TXN2: variants seen among roughly 807,000 people sequenced by gnomAD.
TXN2 encodes thioredoxin 2, also known as thioredoxin, mitochondrial.
TXN2 carries 12 observed loss-of-function variants against 14.6 expected under a neutral mutation model. That is an observed-to-expected ratio of 0.82 (90% CI 0.53 to 1.33). The LOEUF is 1.33. TXN2 is among the 40% of genes most tolerant of loss of function. The probability of loss-of-function intolerance (pLI) is 0.00; values close to 1 mark genes in which losing one functional copy is unlikely to be tolerated. For synonymous variants in TXN2, 89 were observed against 81.0 expected, an observed-to-expected ratio of 1.10 and a Z score of -0.53; for missense variants, 173 against 207.7, an observed-to-expected ratio of 0.83 and a Z score of 1.03.
chr22:36,472,065 AAG>A (rs372956773), intron 3 of TXN2, among the ~76,000 whole-genome samples: 4 of 152,110 alleles, frequency 2.6e-5, no homozygotes, highest in African/African-American at 7.2e-5. Flanking sequence ...CCCAGCAGCA[AAG>A]AGAGAGAGAC....
chr22:36,479,882 CTTT>C lies in TXN2; in HGVS notation c.263+690_263+692del, dbSNP rs113981716. Reference sequence around the variant, plus strand: ...GGCACCACGGTAGTGACACCGATAACTTTTTTTTTTTTTTTTTGAGATGGAATT... The same window carrying C: ...GGCACCACGGTAGTGACACCGATAACTTTTTTTTTTTTTTGAGATGGAATT... On this transcript the variant is annotated intron_variant, in intron 2 of 3. Coordinates refer to ENST00000216185, the MANE Select transcript of TXN2 (RefSeq NM_012473.4). Among the ~76,000 whole-genome samples the C allele has an allele frequency of 2.6e-3, 370 of 139,960 alleles. 5 individuals carry two copies. The highest frequency in any genetic ancestry group is 8.8e-3 in the African/African-American group (340 of 38,450). 91.8% of individuals were successfully genotyped at this position (139,960 alleles called of 152,430 possible). A position where few individuals can be genotyped will look rare whatever the true frequency, so the allele number is the denominator to read the frequency against.
Position 36,467,617 on chromosome 22 carries a change from G to C in TXN2, c.*187C>G. The C allele has an allele frequency of 1.7e-6, 1 of 589,450 alleles. No homozygotes were observed. The highest frequency in any genetic ancestry group is 1.9e-5 in the South Asian group (1 of 51,682). The allele number at this position is 589,450 out of a possible 1,614,324, so 36.5% of individuals were successfully genotyped here. ...GACAGCGGTCCCCGGATCAGCAGCA[G>C]CACCACCATCCTCTGATGGCCCCTG... On this transcript the variant is annotated 3_prime_UTR_variant, in exon 4 of 4. Transcript: ENST00000216185.
chr22:36,474,466 G>A (rs1933346926), intron 3 of TXN2, among the ~76,000 whole-genome samples: 1 of 152,140 alleles, frequency 6.6e-6, no homozygotes, highest in Non-Finnish European at 1.5e-5. Context: ...ATTTGAGCTG[G>A]TCTAGTAAGA....
rs1217534650 is a variant in TXN2, at chr22:36,476,786, C to G, written c.334G>C (p.Val112Leu). The change falls in exon 3 of 4, where the codon GTG becomes CTG. Residue 112 changes from valine (V) to leucine (L), a missense_variant. Coordinates refer to ENST00000216185, the MANE Select transcript of TXN2 (RefSeq NM_012473.4). ...TCATCAATATCCACCTTGGCCATCA[C>G]CACCTTCCCGTGCTGCTTGGCCACC... The part of the protein sequence containing the change: ...KMVAKQHGKV[V>L]MAKVDIDDHT... The G allele has an allele frequency of 6.2e-7, 1 of 1,614,168 alleles. No homozygotes were observed. The highest frequency in any genetic ancestry group is 8.5e-7 in the Non-Finnish European group (1 of 1,180,034).
intron 2 of TXN2, among the ~76,000 whole-genome samples, chr22:36,479,492 C>T (rs1049437742): frequency 2.0e-5 from 3 of 151,750 alleles, no homozygotes; most frequent in African/African-American, 4.8e-5. Context: ...CCACCACGCC[C>T]GATTAATTTT....
intron 2 of TXN2, among the ~76,000 whole-genome samples, chr22:36,478,619 AGCAGGTGTGGTGGT>A (rs1933436315): frequency 2.0e-5 from 3 of 152,144 alleles, no homozygotes; most frequent in African/African-American, 7.2e-5. Flanking sequence ...CCTCCTGAGT[AGCAGGTGTGGTGGT>A]GCACACCGCA....
At chr22:36,477,833 C>CTGTGT (rs1295929127) in intron 2 of TXN2, among the ~76,000 whole-genome samples, 1 of 152,000 alleles carries the variant, frequency 6.6e-6, no homozygotes, top group Non-Finnish European at 1.5e-5. Context: ...CAACCCAAAG[C>CTGTGT]TGTGTTGAAA....
intron 3 of TXN2, 137 bp from the exon 4 acceptor site, chr22:36,468,054 A>G: frequency 1.4e-6 from 1 of 710,910 alleles, no homozygotes; most frequent in Non-Finnish European, 2.4e-6. Context: ...GCCTAGAGGA[A>G]CATGGCTCTT....
chr22:36,475,060 G>A (rs1043053932), intron 3 of TXN2, among the ~76,000 whole-genome samples: 2 of 152,180 alleles, frequency 1.3e-5, no homozygotes, highest in Non-Finnish European at 2.9e-5. Flanking sequence ...GCTTATCAGG[G>A]AGATCTACCC....
chr22:36,478,375 A>G (rs1291402120), intron 2 of TXN2, among the ~76,000 whole-genome samples: 1 of 152,206 alleles, frequency 6.6e-6, no homozygotes, highest in Non-Finnish European at 1.5e-5. Context: ...ATGAGGCATT[A>G]TCCCATTTAT....
At chr22:36,468,029 C>A in intron 3 of TXN2, 112 bp from the exon 4 acceptor site, 4 of 881,182 alleles carry the variant, frequency 4.5e-6, no homozygotes, top group Non-Finnish European at 5.5e-6. Flanking sequence ...ACTGACTTCC[C>A]AAAGCCATGG....
At chr22:36,473,482 A>G (rs1473866424) in intron 3 of TXN2, among the ~76,000 whole-genome samples, 1 of 151,952 alleles carries the variant, frequency 6.6e-6, no homozygotes, top group African/African-American at 2.4e-5. Context: ...GAAAGCCATC[A>G]TGGGGGGCAC....
chr22:36,470,952 AACACACACACGCATACACACATATAT>A (rs1042623778), intron 3 of TXN2, among the ~76,000 whole-genome samples: 6 of 151,942 alleles, frequency 3.9e-5, no homozygotes, highest in African/African-American at 1.2e-4. Flanking sequence ...GTTGAGCTTA[AACACACACACGCATACACACATATAT>A]ACACACACAC....
intron 1 of TXN2, chr22:36,481,184 G>A (rs1933494027): frequency 5.5e-6 from 1 of 180,374 alleles, no homozygotes; most frequent in African/African-American, 2.4e-5. Context: ...CTTCCAGGAA[G>A]TTGCTATTGT....
intron 3 of TXN2, among the ~76,000 whole-genome samples, chr22:36,472,992 T>C (rs2283966): frequency 0.76 from 115,894 of 151,916 alleles, 45,210 homozygotes; most frequent in Non-Finnish European, 0.82. Flanking sequence ...GCCCTGGCAT[T>C]ACCTGGGAGC....
At chr22:36,470,331 G>A (rs1168119855) in intron 3 of TXN2, among the ~76,000 whole-genome samples, 1 of 152,176 alleles carries the variant, frequency 6.6e-6, no homozygotes, top group African/African-American at 2.4e-5. Flanking sequence ...GATGTGGGTG[G>A]CAAACCCTGT....
In TXN2 at chr22:36,467,772, C is replaced by T. The variant is rs371434875; in HGVS notation, c.*32G>A. On this transcript the variant is annotated 3_prime_UTR_variant, in exon 4 of 4. Transcript: ENST00000216185. ...GGCTGAGTTCTATTGGGGTCCCACGCGGGCAAGGGAACCAGGACTCATCCC... is the reference window on the plus strand; with the variant it reads ...GGCTGAGTTCTATTGGGGTCCCACGTGGGCAAGGGAACCAGGACTCATCCC... The T allele has an allele frequency of 1.5e-4, 241 of 1,579,062 alleles. No individual in the cohort carries two copies. Among genetic ancestry groups the T allele is most frequent in the Non-Finnish European group, 1.9e-4 (216 of 1,149,602 alleles).
intron 1 of TXN2, 95 bp downstream of exon 1, chr22:36,481,469 C>A: frequency 3.5e-6 from 2 of 564,438 alleles, no homozygotes; most frequent in Non-Finnish European, 4.6e-6. Flanking sequence ...CGAGCTAGAT[C>A]CCCCCGCCCG....
At position 36,467,819 on chromosome 22, in the gene TXN2, C is replaced by T. The variant is rs1933192391; in HGVS notation, c.486G>A (p.Lys162=). ...TCCCTGCTTGTCAGCCAATCAGCTT[C>T]TTCAGGAAGGCCTCCAACTGATCCT... ...KDEDQLEAFL[K]KLIG is the part of the protein sequence containing the mutation. The change falls in exon 4 of 4, where the codon AAG becomes AAA. Residue 162 remains lysine, a synonymous_variant. Coordinates refer to ENST00000216185, the MANE Select transcript of TXN2 (RefSeq NM_012473.4). 4.3e-6 allele frequency: 7 copies of T among 1,613,896 alleles called. No individual in the cohort carries two copies. Among genetic ancestry groups the T allele is most frequent in the Non-Finnish European group, 5.9e-6 (7 of 1,179,982 alleles).
Sources: allele counts gnomAD v4.1 joint callset (sites outside exome capture counted in the v4.1 genomes callset), GRCh38; gene constraint gnomAD v4.1.1; transcripts MANE v1.5; gene names NCBI Gene and HGNC (gene_info 2026-07-23, HGNC 2026-07-21).